The following GALNT17 variants were observed in gnomAD, a reference collection of about 807,000 sequenced individuals.
GALNT17 encodes the protein polypeptide N-acetylgalactosaminyltransferase 17, also known as UDP-GalNAc:polypeptide N-acetylgalactosaminyltransferase-like 3.
Under a neutral mutation model 63.7 loss-of-function variants are expected in GALNT17, and 29 were observed. That is an observed-to-expected ratio of 0.46 (90% CI 0.34 to 0.62). The LOEUF is 0.62. Ranked by LOEUF, GALNT17 falls within the 20% of genes least tolerant of loss-of-function variation. The pLI is 0.01. For missense variants in GALNT17, 603 were observed against 799.6 expected (o/e 0.75, Z 2.97); for synonymous variants, 305 against 318.3 (o/e 0.96, Z 0.45).
intron 3 of GALNT17, among the ~76,000 whole-genome samples, chr7:71,393,782 G>A (rs897608210): frequency 6.6e-6 from 1 of 152,160 alleles, no homozygotes; most frequent in Admixed American, 6.5e-5. Context: ...ACATTGGCCT[G>A]TGTTAAGCCC....
chr7:71,504,788 AC>A (rs1788239581), intron 5 of GALNT17, among the ~76,000 whole-genome samples: 1 of 151,894 alleles, frequency 6.6e-6, no homozygotes, highest in South Asian at 2.1e-4. Flanking sequence ...GTCAGAAAAT[AC>A]CCTGAATTCT....
At chr7:71,688,992 A>G (rs1265118430) in intron 9 of GALNT17, among the ~76,000 whole-genome samples, 7 of 152,248 alleles carry the variant, frequency 4.6e-5, no homozygotes, top group South Asian at 2.1e-4. Flanking sequence ...AATTCTTGCA[A>G]TATTTCAAAC....
intron 6 of GALNT17, among the ~76,000 whole-genome samples, chr7:71,591,350 C>T (rs957003864): frequency 6.6e-6 from 1 of 152,176 alleles, no homozygotes; most frequent in Non-Finnish European, 1.5e-5. Context: ...GCCACCACCA[C>T]GCCTGGCTCT....
intron 5 of GALNT17, among the ~76,000 whole-genome samples, chr7:71,484,257 G>A (rs1377221985): frequency 6.6e-6 from 1 of 152,188 alleles, no homozygotes. Context: ...GGAGACTGAG[G>A]CGGGCGGATC....
At chr7:71,636,377 T>G (rs1436948779) in intron 6 of GALNT17, among the ~76,000 whole-genome samples, 1 of 151,986 alleles carries the variant, frequency 6.6e-6, no homozygotes, top group Non-Finnish European at 1.5e-5. Context: ...ACAGGTGGGA[T>G]AGGCTCCCAA....
chr7:71,171,687 C>T (rs372484098), intron 1 of GALNT17, among the ~76,000 whole-genome samples: 1 of 152,142 alleles, frequency 6.6e-6, no homozygotes, highest in Non-Finnish European at 1.5e-5. Context: ...CTAGGAATTG[C>T]TTGTAACTAT....
chr7:71,427,406 C>T (rs1452156394), intron 5 of GALNT17, among the ~76,000 whole-genome samples: 3 of 151,942 alleles, frequency 2.0e-5, no homozygotes, highest in African/African-American at 4.8e-5. Flanking sequence ...GCCTCATTTA[C>T]TCTTAACAGT....
intron 6 of GALNT17, among the ~76,000 whole-genome samples, chr7:71,616,413 C>T (rs1402928114): frequency 4.0e-5 from 6 of 150,560 alleles, no homozygotes; most frequent in Admixed American, 4.0e-4. Flanking sequence ...GTGTGCTTCT[C>T]TCCTGGAAAT....
At chr7:71,477,736 T>C (rs903458639) in intron 5 of GALNT17, among the ~76,000 whole-genome samples, 5 of 152,204 alleles carry the variant, frequency 3.3e-5, no homozygotes, top group African/African-American at 1.2e-4. Context: ...GTTTTTATTT[T>C]GTGTTGAGGA....
At chr7:71,489,995 C>T (rs1787979301) in intron 5 of GALNT17, among the ~76,000 whole-genome samples, 1 of 151,904 alleles carries the variant, frequency 6.6e-6, no homozygotes. Flanking sequence ...TCCATCTCTA[C>T]TACTGCAATC....
intron 9 of GALNT17, 135 bp from the exon 10 acceptor site, chr7:71,710,626 C>T: frequency 9.9e-7 from 1 of 1,012,066 alleles, no homozygotes; most frequent in Admixed American, 2.3e-5. Flanking sequence ...GCCTGAGTGA[C>T]AGGCTGGGAT....
At chr7:71,467,248 G>A (rs1171707967) in intron 5 of GALNT17, among the ~76,000 whole-genome samples, 1 of 152,168 alleles carries the variant, frequency 6.6e-6, no homozygotes, top group Non-Finnish European at 1.5e-5. Context: ...CTACAAAGGA[G>A]GAACCTAGGG....
intron 6 of GALNT17, among the ~76,000 whole-genome samples, chr7:71,586,421 A>G (rs556794689): frequency 2.0e-4 from 31 of 152,284 alleles, no homozygotes; most frequent in Admixed American, 1.6e-3. Flanking sequence ...TTGTTTATTC[A>G]TTGTCCTACT....
chr7:71,687,457 C>G (rs569756678), intron 9 of GALNT17, among the ~76,000 whole-genome samples: 1 of 152,304 alleles, frequency 6.6e-6, no homozygotes, highest in East Asian at 1.9e-4. Flanking sequence ...AGCCTCTTGG[C>G]TTCCAGATGC....
chr7:71,683,140 C>G (rs999667362), intron 9 of GALNT17, among the ~76,000 whole-genome samples: 5 of 152,134 alleles, frequency 3.3e-5, no homozygotes, highest in Non-Finnish European at 7.4e-5. Context: ...TCATGGCTCC[C>G]CCGGCTCTGG....
At position 71,223,678 on chromosome 7, in the gene GALNT17, G is replaced by A. The variant is rs142534073; in HGVS notation, c.238+90638G>A. Among the ~76,000 whole-genome samples, 122 of 152,206 alleles carry A rather than the reference G, an allele frequency of 8.0e-4. 1 individual carries two copies. Among genetic ancestry groups the A allele is most frequent in the African/African-American group, 2.7e-3 (111 of 41,528 alleles). ...CAGGTATTAAGCCTGGTACCCAATA[G>A]TTACCTTGTCTGCTCCTCTCCTTCC... is the stretch of plus-strand genomic sequence containing the variant. On this transcript the variant is annotated intron_variant, in intron 1 of 10. Transcript: ENST00000333538.
intron 1 of GALNT17, among the ~76,000 whole-genome samples, chr7:71,286,984 G>A (rs1218597221): frequency 2.0e-5 from 3 of 151,870 alleles, no homozygotes; most frequent in East Asian, 1.9e-4. Flanking sequence ...ATAGAGACAC[G>A]GAACTCCCCA....
At chr7:71,260,279 T>A (rs1790362791) in intron 1 of GALNT17, among the ~76,000 whole-genome samples, 1 of 152,146 alleles carries the variant, frequency 6.6e-6, no homozygotes, top group African/African-American at 2.4e-5. Context: ...ATTTGCAGTG[T>A]CTCTTCCAAT....
At chr7:71,470,293 A>G (rs4075534) in intron 5 of GALNT17, among the ~76,000 whole-genome samples, 52,578 of 152,134 alleles carry the variant, frequency 0.35, 11,804 homozygotes, top group Non-Finnish European at 0.5. Context: ...AAAAGGTAAG[A>G]GACACAATGT....
Sources: gnomAD v4.1 joint callset for allele counts (sites outside exome capture counted in the v4.1 genomes callset) on GRCh38, gnomAD v4.1.1 for gene constraint, MANE v1.5 for transcripts, NCBI Gene and HGNC (gene_info 2026-07-23, HGNC 2026-07-21) for gene names.